Variants in SCOC observed in about 807,000 individuals in gnomAD.
The protein encoded by SCOC is short coiled-coil protein, also known as short coiled coil protein.
In SCOC, 7 loss-of-function variants were observed where a neutral mutation model predicts 9.9. That is an observed-to-expected ratio of 0.71 (90% confidence interval 0.40 to 1.33). SCOC has a LOEUF of 1.33. SCOC is among the 40% of genes most tolerant of loss of function. The pLI is 0.01. For missense variants in SCOC, 66 were observed against 89.7 expected, an observed-to-expected ratio of 0.74 and a Z score of 1.07; for synonymous variants, 19 against 28.2, an observed-to-expected ratio of 0.67 and a Z score of 1.03.
At position 140,270,000 on chromosome 4, in the gene SCOC, C is replaced by A. The variant is rs1042798849; in HGVS notation, c.-19+12590C>A. Among the ~76,000 whole-genome samples, 4 of 152,160 alleles carry A rather than the reference C, an allele frequency of 2.6e-5. No homozygotes were observed. In the East Asian group the frequency reaches 7.7e-4, roughly 29 times the overall value. On this transcript the variant is annotated intron_variant, in intron 1 of 4. Transcript: ENST00000394205. The stretch of plus-strand genomic sequence containing the variant: ...TCCTGGCCTCAACTGATCCTCCTGT[C>A]TTGGTCTCCCAAAGTTCTGGGATTA...
At chr4:140,295,652 A>G (rs1731603347) in intron 1 of SCOC, among the ~76,000 whole-genome samples, 1 of 152,154 alleles carries the variant, frequency 6.6e-6, no homozygotes, top group Non-Finnish European at 1.5e-5. Context: ...CATGAAAATC[A>G]CCTGGAGCGA....
upstream of SCOC, among the ~76,000 whole-genome samples, chr4:140,339,522 A>T (rs911034124): frequency 6.6e-6 from 1 of 152,250 alleles, no homozygotes; most frequent in Non-Finnish European, 1.5e-5. Context: ...CAACCTACGG[A>T]ATGGGAGAAC....
At chr4:140,293,389 C>T (rs1731534612) in intron 1 of SCOC, 2 of 456,792 alleles carry the variant, frequency 4.4e-6, no homozygotes, top group African/African-American at 4.0e-5. Context: ...CACGCCAAGA[C>T]AGGATTGGAG....
chr4:140,269,089 C>T (rs1251833118), intron 1 of SCOC, among the ~76,000 whole-genome samples: 1 of 152,076 alleles, frequency 6.6e-6, no homozygotes, highest in Non-Finnish European at 1.5e-5. Context: ...TAGCAGAGTA[C>T]AATTATAAAG....
chr4:140,278,872 A>G (rs1466815477), intron 1 of SCOC, among the ~76,000 whole-genome samples: 2 of 116,000 alleles, frequency 1.7e-5, no homozygotes, highest in African/African-American at 6.6e-5. Flanking sequence ...TGCCCCCCCA[A>G]CCCCATCTGT....
intron 2 of SCOC, among the ~76,000 whole-genome samples, chr4:140,362,302 T>TTCTTCCTCTTC (rs1727582964): frequency 3.6e-5 from 1 of 27,842 alleles, no homozygotes; most frequent in African/African-American, 1.2e-4. Context: ...TCTTCTTCTT[T>TTCTTCCTCTTC]TTTTTTTTTT....
chr4:140,379,964 A>G (rs1267776024), intron 3 of SCOC, among the ~76,000 whole-genome samples: 1 of 152,142 alleles, frequency 6.6e-6, no homozygotes, highest in African/African-American at 2.4e-5. Flanking sequence ...AGTAAAAACA[A>G]TGTATTAGCC....
intron 1 of SCOC, among the ~76,000 whole-genome samples, chr4:140,265,724 G>A (rs531682708): frequency 2.2e-4 from 34 of 152,324 alleles, no homozygotes; most frequent in African/African-American, 8.2e-4. Flanking sequence ...ACGATGTACA[G>A]AGCAACCTTT....
At chr4:140,272,743 T>G (rs1281013868) in intron 1 of SCOC, among the ~76,000 whole-genome samples, 1 of 152,180 alleles carries the variant, frequency 6.6e-6, no homozygotes, top group Non-Finnish European at 1.5e-5. Context: ...AGGGATACTT[T>G]TAATACGGGA....
intron 1 of SCOC, among the ~76,000 whole-genome samples, chr4:140,272,743 T>C (rs1281013868): frequency 6.6e-6 from 1 of 152,180 alleles, no homozygotes; most frequent in Non-Finnish European, 1.5e-5. Flanking sequence ...AGGGATACTT[T>C]TAATACGGGA....
intron 1 of SCOC, chr4:140,284,787 A>T (rs980152255): frequency 6.5e-6 from 1 of 153,098 alleles, no homozygotes; most frequent in Non-Finnish European, 1.5e-5. Context: ...AAAAAAAAAA[A>T]AAAAAGATTG....
At chr4:140,332,359 CTTTTTTTTTTTTTTT>C (rs70943486) in intron 1 of SCOC, among the ~76,000 whole-genome samples, 4 of 76,828 alleles carry the variant, frequency 5.2e-5, no homozygotes, top group African/African-American at 8.0e-5. Context: ...CTGGAGTCAT[CTTTTTTTTTTTTTTT>C]TTTTTTTTTT....
At chr4:140,281,712 G>A (rs760626648) in intron 1 of SCOC, among the ~76,000 whole-genome samples, 55 of 152,170 alleles carry the variant, frequency 3.6e-4, no homozygotes, top group African/African-American at 1.7e-4. Flanking sequence ...GGAGTGTGGC[G>A]TTTCACTTGA....
chr4:140,364,044 G>A (rs1727682933), intron 2 of SCOC, among the ~76,000 whole-genome samples: 1 of 151,978 alleles, frequency 6.6e-6, no homozygotes, highest in African/African-American at 2.4e-5. Flanking sequence ...AAGAAAGATT[G>A]TAAAAAAAGA....
chr4:140,262,640 G>A (rs115075682), intron 1 of SCOC, among the ~76,000 whole-genome samples: 2,574 of 152,086 alleles, frequency 0.017, 75 homozygotes, highest in African/African-American at 0.058. Flanking sequence ...CGTATTAGTC[G>A]GTTCTCACAC....
intron 1 of SCOC, among the ~76,000 whole-genome samples, chr4:140,300,698 G>T (rs1252796703): frequency 2.0e-5 from 3 of 152,236 alleles, no homozygotes; most frequent in African/African-American, 7.2e-5. Flanking sequence ...CACTCACTTT[G>T]TTGATTGAAA....
chr4:140,277,653 T>C (rs962591462), intron 1 of SCOC, among the ~76,000 whole-genome samples: 2 of 152,242 alleles, frequency 1.3e-5, no homozygotes, highest in Non-Finnish European at 1.5e-5. Context: ...AAGAGAGTAT[T>C]ATTTTCCAAT....
Position 140,383,018 on chromosome 4 carries a change from A to G in SCOC, c.*1914A>G, listed in dbSNP as rs1236618808. The G allele has an allele frequency of 6.6e-6, 1 of 152,238 alleles. No individual in the cohort carries two copies. The highest frequency in any genetic ancestry group is 1.5e-5 in the Non-Finnish European group (1 of 68,044). The allele number at this position is 152,238 out of a possible 1,614,324, so 9.4% of individuals were successfully genotyped here. A position where few individuals can be genotyped will look rare whatever the true frequency, so the allele number is the denominator to read the frequency against. ...CACTCTAGTTATTCTTCTAATTTGCAGAAAAAGAACATGGAAGTGTACATA... is the reference window on the plus strand; with the variant it reads ...CACTCTAGTTATTCTTCTAATTTGCGGAAAAAGAACATGGAAGTGTACATA... On this transcript the variant is annotated 3_prime_UTR_variant, in exon 4 of 4. Coordinates refer to ENST00000608372, the MANE Select transcript of SCOC (RefSeq NM_001153484.2).
intron 2 of SCOC, among the ~76,000 whole-genome samples, chr4:140,347,635 C>T (rs915315190): frequency 1.3e-5 from 2 of 152,120 alleles, no homozygotes; most frequent in African/African-American, 2.4e-5. Flanking sequence ...CCATTCTCAC[C>T]GCCCGTTGCT....
Sources: allele counts gnomAD v4.1 joint callset (sites outside exome capture counted in the v4.1 genomes callset), GRCh38; gene constraint gnomAD v4.1.1; transcripts MANE v1.5; gene names NCBI Gene and HGNC (gene_info 2026-07-23, HGNC 2026-07-21).